The following IPCEF1 variants were observed in gnomAD, a reference collection of about 807,000 sequenced individuals.
IPCEF1 encodes interactor protein for cytohesin exchange factors 1.
A neutral mutation model predicts 50.9 loss-of-function variants in IPCEF1; 31 were observed. The observed-to-expected ratio is 0.61, with a 90% CI of 0.46 to 0.82. The LOEUF (loss-of-function observed/expected upper bound fraction) is 0.82. Among genes scored for constraint, IPCEF1 ranks in the 40% least tolerant of loss-of-function variants. The probability of loss-of-function intolerance (pLI) is 0.00; values close to 1 mark genes in which losing one functional copy is unlikely to be tolerated. For synonymous variants in IPCEF1, 181 were observed against 192.0 expected, an observed-to-expected ratio of 0.94 and a Z score of 0.47; for missense variants, 458 against 514.0, an observed-to-expected ratio of 0.89 and a Z score of 1.05.
intron 5 of IPCEF1, among the ~76,000 whole-genome samples, chr6:154,243,400 G>C (rs1445475609): frequency 6.6e-6 from 1 of 152,154 alleles, no homozygotes; most frequent in Non-Finnish European, 1.5e-5. Context: ...ATGAGCCTCT[G>C]GACTTGACCT....
At chr6:154,297,025 C>G (rs569184428) in intron 1 of IPCEF1, among the ~76,000 whole-genome samples, 1 of 151,808 alleles carries the variant, frequency 6.6e-6, no homozygotes, top group Non-Finnish European at 1.5e-5. Context: ...AAAGTCATTA[C>G]ATTTCTTTTT....
intron 1 of IPCEF1, among the ~76,000 whole-genome samples, chr6:154,290,593 G>A (rs1169539214): frequency 7.9e-5 from 12 of 152,226 alleles, no homozygotes; most frequent in Non-Finnish European, 1.6e-4. Context: ...TCAAGTTGGT[G>A]CAGACCTGCA....
At chr6:154,334,032 A>G (rs142736123) in intron 1 of IPCEF1, among the ~76,000 whole-genome samples, 8 of 152,210 alleles carry the variant, frequency 5.3e-5, no homozygotes, top group East Asian at 1.9e-4. Flanking sequence ...ACAATCTTCA[A>G]AAACACATGG....
At chr6:154,211,844 A>G (rs1777989057) in intron 9 of IPCEF1, among the ~76,000 whole-genome samples, 1 of 152,254 alleles carries the variant, frequency 6.6e-6, no homozygotes, top group African/African-American at 2.4e-5. Flanking sequence ...GGACTAACAC[A>G]TAGAATAATA....
chr6:154,305,271 T>C (rs1339184458), intron 1 of IPCEF1, among the ~76,000 whole-genome samples: 1 of 152,218 alleles, frequency 6.6e-6, no homozygotes, highest in Non-Finnish European at 1.5e-5. Context: ...GTGCATGTCA[T>C]CTGCTTTTCA....
At chr6:154,308,774 A>G (rs999552119) in intron 1 of IPCEF1, among the ~76,000 whole-genome samples, 4 of 152,216 alleles carry the variant, frequency 2.6e-5, no homozygotes, top group African/African-American at 9.7e-5. Context: ...TACAGCACAA[A>G]AGGAGTTAAC....
intron 1 of IPCEF1, among the ~76,000 whole-genome samples, chr6:154,300,714 G>A (rs1371282064): frequency 3.9e-5 from 6 of 152,124 alleles, no homozygotes; most frequent in African/African-American, 9.7e-5. Flanking sequence ...AGTCCAACAC[G>A]TAAACACCAG....
rs76171602 is a variant in IPCEF1 at position 154,231,737 on chromosome 6, A to G, written c.247-8494T>C. Among the ~76,000 whole-genome samples, 584 of 152,364 alleles carry G rather than the reference A, an allele frequency of 3.8e-3. 4 individuals are homozygous for G. The highest frequency in any genetic ancestry group is 4.4e-3 in the Non-Finnish European group (299 of 68,038). The stretch of plus-strand genomic sequence containing the variant: ...ACCAAAAACAAATAGAAAAGGGGGA[A>G]GAAAGAGGATAGAGAACAGAGATGC... On this transcript the variant is annotated intron_variant, in intron 5 of 11. Transcript: ENST00000367220.
chr6:154,155,989 A>C lies in IPCEF1; in HGVS notation c.*3839T>G, dbSNP rs1241431395. The C allele has an allele frequency of 6.6e-6, 1 of 152,252 alleles. No homozygotes were observed. Among genetic ancestry groups the C allele is most frequent in the African/African-American group, 2.4e-5 (1 of 41,476 alleles). 9.4% of individuals were successfully genotyped at this position (152,252 alleles called of 1,614,324 possible). On this transcript the variant is annotated 3_prime_UTR_variant, in exon 12 of 12. Coordinates refer to ENST00000367220, the MANE Select transcript of IPCEF1 (RefSeq NM_001130700.2). ...AAAAGCAATTAAGAGAAGAAGGTCA[A>C]AGGACCAACCTCTAATCACTAAGTT...
At chr6:154,246,928 A>G (rs1781090545) in intron 4 of IPCEF1, 168 bp from the exon 5 acceptor site, 1 of 477,082 alleles carries the variant, frequency 2.1e-6, no homozygotes, top group East Asian at 4.3e-5. Context: ...CCTATGCAAA[A>G]CCAATGCAAA....
intron 3 of IPCEF1, among the ~76,000 whole-genome samples, chr6:154,253,511 T>A (rs962431826): frequency 6.6e-6 from 1 of 152,242 alleles, no homozygotes; most frequent in Non-Finnish European, 1.5e-5. Flanking sequence ...AATGCCACAA[T>A]GTATCTCTAC....
chr6:154,318,712 C>CAAAAAAAAAAA (rs57436031), intron 1 of IPCEF1, among the ~76,000 whole-genome samples: 1 of 98,832 alleles, frequency 1.0e-5, no homozygotes, highest in African/African-American at 3.8e-5. Context: ...GACCCTGTCT[C>CAAAAAAAAAAA]AAAAAAAAAA....
intron 10 of IPCEF1, among the ~76,000 whole-genome samples, chr6:154,191,012 C>T (rs1176892861): frequency 2.0e-5 from 3 of 152,016 alleles, no homozygotes; most frequent in South Asian, 4.2e-4. Context: ...GCCGAGATCG[C>T]GCCACTGCAC....
At chr6:154,270,048 A>C (rs1781864128) in intron 2 of IPCEF1, among the ~76,000 whole-genome samples, 1 of 152,248 alleles carries the variant, frequency 6.6e-6, no homozygotes, top group Non-Finnish European at 1.5e-5. Context: ...CTTTCTGAGA[A>C]TATCAGTTTA....
intron 5 of IPCEF1, among the ~76,000 whole-genome samples, chr6:154,232,505 G>C (rs1779802567): frequency 6.6e-6 from 1 of 152,130 alleles, no homozygotes; most frequent in African/African-American, 2.4e-5. Flanking sequence ...TATACCATGG[G>C]AACCATCATG....
chr6:154,313,733 CT>C (rs1272705373), intron 1 of IPCEF1, among the ~76,000 whole-genome samples: 1 of 151,584 alleles, frequency 6.6e-6, no homozygotes, highest in Admixed American at 6.6e-5. Flanking sequence ...TCTTCTGGTT[CT>C]TTTTTTTGTT....
At chr6:154,171,668 T>C (rs1799881625) in intron 10 of IPCEF1, among the ~76,000 whole-genome samples, 1 of 152,208 alleles carries the variant, frequency 6.6e-6, no homozygotes. Flanking sequence ...ATTTATGAGA[T>C]TGTCATGAGA....
intron 2 of IPCEF1, among the ~76,000 whole-genome samples, chr6:154,273,399 T>TA (rs939267204): frequency 3.9e-5 from 6 of 152,200 alleles, no homozygotes; most frequent in African/African-American, 1.2e-4. Flanking sequence ...GCACTGTTTA[T>TA]AAGCGAGCAT....
In IPCEF1 at chr6:154,295,753, C is replaced by T. The variant is rs577857937; in HGVS notation, c.-61-5997G>A. Reference sequence around the variant, plus strand: ...CTAAAACTGCAGAGAAATTTAGCCTCTCTTGCCCAGGGCTTTGGGACTCTT... The same window carrying T: ...CTAAAACTGCAGAGAAATTTAGCCTTTCTTGCCCAGGGCTTTGGGACTCTT... On this transcript the variant is annotated intron_variant, in intron 1 of 11. Coordinates refer to ENST00000367220, the MANE Select transcript of IPCEF1 (RefSeq NM_001130700.2). Among the ~76,000 whole-genome samples, 5 of 152,296 alleles carry T rather than the reference C, an allele frequency of 3.3e-5. No homozygotes were observed. The South Asian group carries it at 1.0e-3, about 32-fold the overall frequency.
Sources: gnomAD v4.1 joint callset for allele counts (sites outside exome capture counted in the v4.1 genomes callset) on GRCh38, gnomAD v4.1.1 for gene constraint, MANE v1.5 for transcripts, NCBI Gene and HGNC (gene_info 2026-07-23, HGNC 2026-07-21) for gene names.